GNA11: variants seen among roughly 807,000 people sequenced by gnomAD.
The protein encoded by GNA11 is G protein subunit alpha 11.
In GNA11, 8 loss-of-function variants were observed where a neutral mutation model predicts 38.2. That is an observed-to-expected ratio of 0.21 (90% CI 0.12 to 0.38). The LOEUF (loss-of-function observed/expected upper bound fraction) is 0.38. Ranked by LOEUF, GNA11 falls within the 10% of genes least tolerant of loss-of-function variation. GNA11 has a pLI of 1.00. For missense variants in GNA11, 268 were observed against 516.3 expected (o/e 0.52, Z 4.66); for synonymous variants, 211 against 221.4 (o/e 0.95, Z 0.42).
Position 3,122,324 on chromosome 19 carries a change from G to A in GNA11, c.*1145G>A, listed in dbSNP as rs983797876. ...GCACTTGCGCCCGCCCCCGAGCGCC[G>A]CCCCCGGGGAGCGGGAAGCCAGCAC... On this transcript the variant is annotated 3_prime_UTR_variant, in exon 7 of 7. Coordinates refer to ENST00000078429, the MANE Select transcript of GNA11 (RefSeq NM_002067.5). The surrounding 1 kb of genome is among the most constrained non-coding windows in gnomAD (Gnocchi z 7.7). The A allele has an allele frequency of 3.0e-5, 7 of 232,308 alleles. No homozygotes were observed. The highest frequency in any genetic ancestry group is 6.0e-5 in the Non-Finnish European group (7 of 117,506). 14.4% of individuals were successfully genotyped at this position (232,308 alleles called of 1,614,324 possible). A position where few individuals can be genotyped will look rare whatever the true frequency, so the allele number is the denominator to read the frequency against.
rs540139860 is a variant in GNA11 at position 3,123,062 on chromosome 19, C to T, written c.*1883C>T. ...GCCCCCCATGGCGAGTGCTGGGGCC[C>T]GGCGGTGCCCTGGGGGAGCAGATGG... On this transcript the variant is annotated 3_prime_UTR_variant, in exon 7 of 7. Transcript: ENST00000078429. 1.7e-5 allele frequency: 4 copies of T among 233,380 alleles called. No homozygotes were observed. The highest frequency in any genetic ancestry group is 1.2e-4 in the East Asian group (2 of 16,586). 14.5% of individuals were successfully genotyped at this position (233,380 alleles called of 1,614,324 possible).
Position 3,094,949 on chromosome 19 carries a change from C to T in GNA11, c.136+162C>T, listed in dbSNP as rs1036307666. On this transcript the variant is annotated intron_variant, in intron 1 of 6. Coordinates refer to ENST00000078429, the MANE Select transcript of GNA11 (RefSeq NM_002067.5). This position sits in a 1 kb window ranked among gnomAD's most constrained non-coding sequence, Gnocchi z 6.0. ...CCTGCCTGTGCCTTCCCTGCCTGTCCGGGTCGCGGGACCCTCGAGTGTCAG... is the reference window on the plus strand; with the variant it reads ...CCTGCCTGTGCCTTCCCTGCCTGTCTGGGTCGCGGGACCCTCGAGTGTCAG... Among the ~76,000 whole-genome samples the T allele has an allele frequency of 2.1e-4, 32 of 151,192 alleles. No homozygotes were observed. The highest frequency in any genetic ancestry group is 7.8e-4 in the African/African-American group (32 of 41,108).
intron 1 of GNA11, among the ~76,000 whole-genome samples, chr19:3,100,227 T>G (rs1182402341): frequency 6.6e-6 from 1 of 152,138 alleles, no homozygotes; most frequent in African/African-American, 2.4e-5. Flanking sequence ...TGGAGCTGTC[T>G]TGGGCACTGC....
rs1211057605 is a variant in GNA11, at chr19:3,123,178, C to T, written c.*1999C>T. The T allele has an allele frequency of 1.3e-5, 3 of 233,318 alleles. No individual in the cohort carries two copies. Among genetic ancestry groups the T allele is most frequent in the Admixed American group, 1.1e-4 (2 of 17,806 alleles). 14.5% of individuals were successfully genotyped at this position (233,318 alleles called of 1,614,324 possible). On this transcript the variant is annotated 3_prime_UTR_variant, in exon 7 of 7. Coordinates refer to ENST00000078429, the MANE Select transcript of GNA11 (RefSeq NM_002067.5). Reference sequence around the variant, plus strand: ...GTGGCATCTCTGAGGGCCTAGATTGCACAAGGTGACCTGGCCGTGGCCTGA... The same window carrying T: ...GTGGCATCTCTGAGGGCCTAGATTGTACAAGGTGACCTGGCCGTGGCCTGA...
chr19:3,100,389 C>T (rs777863614), intron 1 of GNA11, among the ~76,000 whole-genome samples: 4 of 152,222 alleles, frequency 2.6e-5, no homozygotes, highest in Admixed American at 2.0e-4. Context: ...CCCTTCTCGT[C>T]GCCATCGTCA....
Position 3,123,107 on chromosome 19 carries a change from G to A in GNA11, c.*1928G>A, listed in dbSNP as rs564827775. On this transcript the variant is annotated 3_prime_UTR_variant, in exon 7 of 7. Coordinates refer to ENST00000078429, the MANE Select transcript of GNA11 (RefSeq NM_002067.5). ...AGATGGGGCCACCCCTGGCAGGGCC[G>A]CTACAACCTTTTCCAGCAGCGGAGC... The A allele has an allele frequency of 1.9e-4, 44 of 233,238 alleles. No homozygotes were observed. The highest frequency in any genetic ancestry group is 8.4e-4 in the African/African-American group (38 of 45,372). 14.4% of individuals were successfully genotyped at this position (233,238 alleles called of 1,614,324 possible). A position where few individuals can be genotyped will look rare whatever the true frequency, so the allele number is the denominator to read the frequency against.
intron 4 of GNA11, chr19:3,118,625 G>T: frequency 2.8e-6 from 1 of 356,276 alleles, no homozygotes; most frequent in Non-Finnish European, 5.2e-6. Flanking sequence ...GCAGGTTCCC[G>T]CAGCAGCTGG....
intron 4 of GNA11, 132 bp from the exon 5 acceptor site, chr19:3,118,792 A>T: frequency 1.2e-6 from 1 of 820,624 alleles, no homozygotes; most frequent in Non-Finnish European, 2.0e-6. Flanking sequence ...CCGTTCTAAG[A>T]GTGGGGGCTC....
In GNA11 at chr19:3,119,697, T is replaced by G. The variant is rs1599308027; in HGVS notation, c.889+338T>G. 1.4e-5 allele frequency among the ~76,000 whole-genome samples: 2 copies of G among 142,084 alleles called. No homozygotes were observed. Among genetic ancestry groups the G allele is most frequent in the South Asian group, 2.3e-4 (1 of 4,362 alleles). The allele number at this position is 142,084 out of a possible 152,430, so 93.2% of individuals were successfully genotyped here. On this transcript the variant is annotated intron_variant, in intron 6 of 6. Transcript: ENST00000078429. The surrounding 1 kb of genome is among the most constrained non-coding windows in gnomAD (Gnocchi z 4.6). ...AAGGAGGGCACCATGGGAGGGGGAGTCTTGTATTGGTGGGTCTTGTACGGG... is the reference window on the plus strand; with the variant it reads ...AAGGAGGGCACCATGGGAGGGGGAGGCTTGTATTGGTGGGTCTTGTACGGG...
intron 1 of GNA11, among the ~76,000 whole-genome samples, chr19:3,098,424 G>T (rs1913424766): frequency 6.6e-6 from 1 of 152,242 alleles, no homozygotes; most frequent in East Asian, 1.9e-4. Context: ...GCCCTCGGCT[G>T]TTAGGTTTCC....
In GNA11 at chr19:3,123,910, C is replaced by G. The variant is rs566689222; in HGVS notation, c.*2731C>G. ...ACCTCCCACAGCCACCGGCCCTGAC[C>G]CTTAATCCAGACACCGATGGAAGTC... On this transcript the variant is annotated 3_prime_UTR_variant, in exon 7 of 7. Transcript: ENST00000078429. 1.4e-4 allele frequency: 32 copies of G among 232,348 alleles called. No individual in the cohort carries two copies. Among genetic ancestry groups the G allele is most frequent in the African/African-American group, 5.9e-4 (27 of 45,420 alleles). 14.4% of individuals were successfully genotyped at this position (232,348 alleles called of 1,614,324 possible).
chr19:3,098,906 C>T (rs917812465), intron 1 of GNA11, among the ~76,000 whole-genome samples: 5 of 152,188 alleles, frequency 3.3e-5, no homozygotes, highest in African/African-American at 1.2e-4. Flanking sequence ...TACATGTAAT[C>T]AGTTATGATG....
At chr19:3,104,771 A>G (rs2145310427) in intron 1 of GNA11, among the ~76,000 whole-genome samples, 2 of 152,322 alleles carry the variant, frequency 1.3e-5, no homozygotes, top group Non-Finnish European at 1.5e-5. Context: ...GCAGACGGGC[A>G]CTGCCACACC....
At position 3,121,386 on chromosome 19, in the gene GNA11, A is replaced by C. The variant is rs1599309027; in HGVS notation, c.*207A>C. On this transcript the variant is annotated 3_prime_UTR_variant, in exon 7 of 7. Coordinates refer to ENST00000078429, the MANE Select transcript of GNA11 (RefSeq NM_002067.5). Reference sequence around the variant, plus strand: ...ATCTCTCCCTCCGTACACTTCGCGCACCTTCTCACCTTTTGTCAACGGCAA... The same window carrying C: ...ATCTCTCCCTCCGTACACTTCGCGCCCCTTCTCACCTTTTGTCAACGGCAA... 2.7e-6 allele frequency: 1 copy of C among 375,094 alleles called. No homozygotes were observed. The highest frequency in any genetic ancestry group is 4.7e-6 in the Non-Finnish European group (1 of 213,918). The allele number at this position is 375,094 out of a possible 1,614,324, so 23.2% of individuals were successfully genotyped here. A position where few individuals can be genotyped will look rare whatever the true frequency, so the allele number is the denominator to read the frequency against.
chr19:3,119,426 T>C lies in GNA11; in HGVS notation c.889+67T>C, dbSNP rs559204005. ...CCTTACTGGGGGGAGGGGGCTGATA[T>C]GGGAGAGGGGCTCATACAGGCCGGG... is the stretch of plus-strand genomic sequence containing the variant. On this transcript the variant is annotated intron_variant, in intron 6 of 6. Coordinates refer to ENST00000078429, the MANE Select transcript of GNA11 (RefSeq NM_002067.5). This position sits in a 1 kb window ranked among gnomAD's most constrained non-coding sequence, Gnocchi z 4.6. 4 of 1,455,512 alleles carry C rather than the reference T, an allele frequency of 2.7e-6. No individual in the cohort carries two copies. The highest frequency in any genetic ancestry group is 2.5e-5 in the South Asian group (2 of 81,050). 90.2% of individuals were successfully genotyped at this position (1,455,512 alleles called of 1,614,324 possible).
In GNA11 at chr19:3,094,836, G is replaced by C. The variant is rs1442791216; in HGVS notation, c.136+49G>C. On this transcript the variant is annotated intron_variant, in intron 1 of 6. Coordinates refer to ENST00000078429, the MANE Select transcript of GNA11 (RefSeq NM_002067.5). This position sits in a 1 kb window ranked among gnomAD's most constrained non-coding sequence, Gnocchi z 6.0. ...CGGCTGCGGGCCCTGCCCTGCCTGT[G>C]CCTGCCCTGCCTGTCCGGGTCGGGC... The C allele has an allele frequency of 7.3e-7, 1 of 1,371,356 alleles. No individual in the cohort carries two copies. Among genetic ancestry groups the C allele is most frequent in the African/African-American group, 1.5e-5 (1 of 65,472 alleles). The allele number at this position is 1,371,356 out of a possible 1,614,324, so 84.9% of individuals were successfully genotyped here. A position where few individuals can be genotyped will look rare whatever the true frequency, so the allele number is the denominator to read the frequency against.
intron 4 of GNA11, chr19:3,118,675 G>A (rs1913985549): frequency 4.3e-6 from 2 of 469,072 alleles, no homozygotes; most frequent in South Asian, 7.0e-5. Flanking sequence ...CCACACTAGC[G>A]CCCGCTTCCC....
chr19:3,123,021 AG>A lies in GNA11; in HGVS notation c.*1845del, dbSNP rs1914124372. On this transcript the variant is annotated 3_prime_UTR_variant, in exon 7 of 7. Coordinates refer to ENST00000078429, the MANE Select transcript of GNA11 (RefSeq NM_002067.5). ...TTTTTGTGCCAGGTGTCTACCTAAG[AG>A]GGTTGGTGCCAGAAGCCCCCCATGG... 4.3e-6 allele frequency: 1 copy of A among 232,966 alleles called. No individual in the cohort carries two copies. The highest frequency in any genetic ancestry group is 8.5e-6 in the Non-Finnish European group (1 of 118,062). 14.4% of individuals were successfully genotyped at this position (232,966 alleles called of 1,614,324 possible). A position where few individuals can be genotyped will look rare whatever the true frequency, so the allele number is the denominator to read the frequency against.
Position 3,108,836 on chromosome 19 carries a change from T to C in GNA11, c.137-1313T>C, listed in dbSNP as rs938412888. 2.0e-5 allele frequency among the ~76,000 whole-genome samples: 3 copies of C among 152,104 alleles called. No individual in the cohort carries two copies. The highest frequency in any genetic ancestry group is 6.5e-5 in the Admixed American group (1 of 15,268). ...GGGCCACATCATTTGAAGGCTGGAC[T>C]GGAGCTGGAGGAGCCACTCACAAGT... is the stretch of plus-strand genomic sequence containing the variant. On this transcript the variant is annotated intron_variant, in intron 1 of 6. Transcript: ENST00000078429. This position sits in a 1 kb window ranked among gnomAD's most constrained non-coding sequence, Gnocchi z 4.5.
Sources: allele counts gnomAD v4.1 joint callset (sites outside exome capture counted in the v4.1 genomes callset), GRCh38; gene constraint gnomAD v4.1.1; non-coding constraint Gnocchi (gnomAD v3.1); transcripts MANE v1.5; gene names NCBI Gene and HGNC (gene_info 2026-07-23, HGNC 2026-07-21).